SHISA9: variants seen among roughly 807,000 people sequenced by gnomAD.
SHISA9 encodes the protein shisa family member 9, also known as protein shisa-9.
A neutral mutation model predicts 38.0 loss-of-function variants in SHISA9; 13 were observed. That is an observed-to-expected ratio of 0.34 (90% CI 0.22 to 0.54). The LOEUF is 0.54. Ranked by LOEUF, SHISA9 falls within the 20% of genes least tolerant of loss-of-function variation. The pLI, the probability that SHISA9 is intolerant of heterozygous loss-of-function variation, is 0.91. For missense variants in SHISA9, 538 were observed against 575.8 expected, an observed-to-expected ratio of 0.93 and a Z score of 0.67; for synonymous variants, 275 against 242.0, an observed-to-expected ratio of 1.14 and a Z score of -1.27.
At chr16:13,016,020 C>T (rs1281419989) in intron 2 of SHISA9, among the ~76,000 whole-genome samples, 1 of 123,290 alleles carries the variant, frequency 8.1e-6, no homozygotes, top group African/African-American at 3.0e-5. Context: ...CAGAATCTCA[C>T]TCTTTTGCCC....
At chr16:13,074,485 A>T (rs1159331513) in intron 2 of SHISA9, among the ~76,000 whole-genome samples, 1 of 152,144 alleles carries the variant, frequency 6.6e-6, no homozygotes, top group Non-Finnish European at 1.5e-5. Context: ...CACACTAAAA[A>T]TTGAGAGCAT....
At chr16:13,481,194 A>G in the SHISA9 span, among the ~76,000 whole-genome samples, 2 of 152,206 alleles carry the variant, frequency 1.3e-5, no homozygotes, top group East Asian at 1.9e-4. Context: ...TTGATTTCCA[A>G]TTTGTTTTTG....
intron 2 of SHISA9, among the ~76,000 whole-genome samples, chr16:12,978,912 T>C (rs185420886): frequency 1.3e-5 from 2 of 152,336 alleles, no homozygotes; most frequent in East Asian, 3.9e-4. Flanking sequence ...CACACATTTC[T>C]TTAAAATTTT....
rs193111359 is a variant in SHISA9, at chr16:13,043,425, G to C, written c.691+126610G>C. Among the ~76,000 whole-genome samples the C allele has an allele frequency of 4.7e-3, 716 of 152,330 alleles. 2 individuals carry two copies. The highest frequency in any genetic ancestry group is 8.0e-3 in the Non-Finnish European group (545 of 68,032). On this transcript the variant is annotated intron_variant, in intron 2 of 4. Coordinates refer to ENST00000558583, the MANE Select transcript of SHISA9 (RefSeq NM_001145204.3). Reference sequence around the variant, plus strand: ...TACTTCCCACCACGGGAGGGTATTTGTGGTTTCTCTATGATTCCTGAATTG... The same window carrying C: ...TACTTCCCACCACGGGAGGGTATTTCTGGTTTCTCTATGATTCCTGAATTG...
At chr16:12,908,400 TC>T in intron 1 of SHISA9, 1 of 1,533,764 alleles carries the variant, frequency 6.5e-7, no homozygotes, top group South Asian at 1.2e-5. Flanking sequence ...TGTTGAAAAA[TC>T]CTTGTTGGTT....
the SHISA9 span, among the ~76,000 whole-genome samples, chr16:13,433,065 A>T: frequency 6.6e-6 from 1 of 152,044 alleles, no homozygotes; most frequent in South Asian, 2.1e-4. Context: ...CTGAACTTAA[A>T]ATAAAAATTT....
the SHISA9 span, among the ~76,000 whole-genome samples, chr16:13,550,223 C>T: frequency 6.6e-6 from 1 of 151,832 alleles, no homozygotes; most frequent in Non-Finnish European, 1.5e-5. Flanking sequence ...ATTCACATCC[C>T]CCTCTCTAGA....
At chr16:12,927,949 T>C (rs1380963493) in intron 2 of SHISA9, among the ~76,000 whole-genome samples, 4 of 152,132 alleles carry the variant, frequency 2.6e-5, no homozygotes, top group South Asian at 2.1e-4. Context: ...ATTAGAAGAA[T>C]TGGAGACCAG....
the SHISA9 span, among the ~76,000 whole-genome samples, chr16:13,387,268 A>G: frequency 6.6e-6 from 1 of 152,148 alleles, no homozygotes; most frequent in East Asian, 1.9e-4. Flanking sequence ...ATTGTTGTAA[A>G]CAGAATTCAA....
chr16:13,384,582 A>G, the SHISA9 span, among the ~76,000 whole-genome samples: 5 of 152,318 alleles, frequency 3.3e-5, no homozygotes, highest in South Asian at 2.1e-4. Flanking sequence ...TCTGGACCTC[A>G]GGCTACAGCA....
chr16:13,558,773 C>A, the SHISA9 span, among the ~76,000 whole-genome samples: 12 of 152,130 alleles, frequency 7.9e-5, no homozygotes, highest in Non-Finnish European at 1.2e-4. Context: ...ACTAAACAGA[C>A]TACAAAAAAA....
At chr16:12,940,095 T>A (rs945578473) in intron 2 of SHISA9, among the ~76,000 whole-genome samples, 1 of 152,218 alleles carries the variant, frequency 6.6e-6, no homozygotes, top group Non-Finnish European at 1.5e-5. Flanking sequence ...TTAACCCTGC[T>A]GGGGAGGAGA....
At chr16:13,069,628 CTG>C (rs534649416) in intron 2 of SHISA9, among the ~76,000 whole-genome samples, 105 of 152,184 alleles carry the variant, frequency 6.9e-4, no homozygotes, top group Middle Eastern at 3.4e-3. Context: ...ATGTGTGTGT[CTG>C]TGTACATAAA....
chr16:13,274,721 T>C, the SHISA9 span, among the ~76,000 whole-genome samples: 1 of 151,992 alleles, frequency 6.6e-6, no homozygotes, highest in Non-Finnish European at 1.5e-5. Flanking sequence ...GGAATCAGAG[T>C]GCTTGAAAAA....
intron 2 of SHISA9, among the ~76,000 whole-genome samples, chr16:12,937,628 C>T (rs1209338775): frequency 6.6e-6 from 1 of 152,186 alleles, no homozygotes; most frequent in Non-Finnish European, 1.5e-5. Flanking sequence ...CAGACAGCCA[C>T]CTTCTTGCTG....
chr16:13,482,467 C>T, the SHISA9 span, among the ~76,000 whole-genome samples: 1 of 152,144 alleles, frequency 6.6e-6, no homozygotes, highest in African/African-American at 2.4e-5. Context: ...ATTAATAGCT[C>T]CATTTTAAAG....
chr16:13,034,130 A>G (rs978466054), intron 2 of SHISA9, among the ~76,000 whole-genome samples: 13 of 140,992 alleles, frequency 9.2e-5, no homozygotes, highest in Non-Finnish European at 1.5e-4. Flanking sequence ...GGGTGACAAG[A>G]ATGGAAACTC....
the SHISA9 span, among the ~76,000 whole-genome samples, chr16:13,247,011 A>C: frequency 6.7e-6 from 1 of 149,866 alleles, no homozygotes; most frequent in African/African-American, 2.4e-5. Flanking sequence ...TAATAATATA[A>C]TAAAAATAAT....
At chr16:13,205,975 A>T (rs2051059966) in intron 3 of SHISA9, among the ~76,000 whole-genome samples, 1 of 149,778 alleles carries the variant, frequency 6.7e-6, no homozygotes, top group Admixed American at 6.7e-5. Flanking sequence ...CATGTTGCTC[A>T]GCTGGTCTCG....
Sources: allele counts gnomAD v4.1 joint callset (sites outside exome capture counted in the v4.1 genomes callset), GRCh38; gene constraint gnomAD v4.1.1; transcripts MANE v1.5; gene names NCBI Gene and HGNC (gene_info 2026-07-23, HGNC 2026-07-21).